LNX2: variants seen among roughly 807,000 people sequenced by gnomAD.
LNX2 encodes the protein ligand of numb-protein X 2, also known as ligand of Numb protein X 2.
LNX2 carries 35 observed loss-of-function variants against 66.2 expected under a neutral mutation model. That is an observed-to-expected ratio of 0.53 (90% confidence interval 0.40 to 0.70). The LOEUF is 0.70. LNX2 is among the 30% of genes least tolerant of loss of function. The probability of loss-of-function intolerance (pLI) is 0.00; values close to 1 mark genes in which losing one functional copy is unlikely to be tolerated. For missense variants in LNX2, 791 were observed against 850.8 expected (o/e 0.93, Z 0.87); for synonymous variants, 337 against 315.6 (o/e 1.07, Z -0.72).
At chr13:27,555,383 C>G (rs921705598) in intron 7 of LNX2, among the ~76,000 whole-genome samples, 1 of 152,190 alleles carries the variant, frequency 6.6e-6, no homozygotes, top group Non-Finnish European at 1.5e-5. Flanking sequence ...ATTCTAGACA[C>G]AAGTCATTTG....
intron 1 of LNX2, among the ~76,000 whole-genome samples, chr13:27,617,407 C>T (rs1955838651): frequency 6.6e-6 from 1 of 152,148 alleles, no homozygotes. Flanking sequence ...GGCCTGTGAA[C>T]TCTAGCCCTG....
chr13:27,588,200 C>T (rs888705234), intron 1 of LNX2, among the ~76,000 whole-genome samples: 2 of 152,138 alleles, frequency 1.3e-5, no homozygotes, highest in African/African-American at 4.8e-5. Flanking sequence ...CTTACATTCA[C>T]ACAAAAACTT....
chr13:27,550,260 C>T (rs1046710652), intron 9 of LNX2, 73 bp downstream of exon 9: 1 of 1,354,984 alleles, frequency 7.4e-7, no homozygotes, highest in Non-Finnish European at 1.0e-6. Context: ...TTAGTGCTGA[C>T]CCCTGACCCC....
At chr13:27,559,363 A>G (rs994072671) in intron 6 of LNX2, among the ~76,000 whole-genome samples, 1 of 147,720 alleles carries the variant, frequency 6.8e-6, no homozygotes, top group Non-Finnish European at 1.5e-5. Context: ...TATGCTATAT[A>G]TGTACCTATC....
chr13:27,588,678 A>C (rs747880195), intron 1 of LNX2, among the ~76,000 whole-genome samples: 1 of 152,206 alleles, frequency 6.6e-6, no homozygotes, highest in Non-Finnish European at 1.5e-5. Context: ...TTCTTCTTAC[A>C]ACTGTATATG....
intron 5 of LNX2, 95 bp from the exon 6 acceptor site, chr13:27,560,080 A>G (rs1322042108): frequency 8.6e-7 from 1 of 1,162,716 alleles, no homozygotes. Flanking sequence ...CTTCTTAATC[A>G]CTGTACCAGG....
intron 9 of LNX2, 151 bp downstream of exon 9, chr13:27,550,182 G>A (rs1194755262): frequency 1.6e-6 from 1 of 608,670 alleles, no homozygotes; most frequent in Admixed American, 3.0e-5. Flanking sequence ...GAGCCAGAGA[G>A]TACATAAACC....
chr13:27,554,714 A>G (rs1955038984), intron 7 of LNX2, among the ~76,000 whole-genome samples: 1 of 152,208 alleles, frequency 6.6e-6, no homozygotes, highest in Non-Finnish European at 1.5e-5. Flanking sequence ...AAGTTTTCGT[A>G]TGAACAGCTG....
chr13:27,612,218 A>G (rs1955781241), intron 1 of LNX2, among the ~76,000 whole-genome samples: 1 of 152,224 alleles, frequency 6.6e-6, no homozygotes, highest in Non-Finnish European at 1.5e-5. Context: ...CTAAATCATG[A>G]GTGATGAAGA....
rs1242468549 is a variant in LNX2, at chr13:27,583,216, G to GCGCGCGCGTCCTCTCCTATATAAC, written c.-100-1414_-100-1413insGTTATATAGGAGAGGACGCGCGCG. Reference sequence around the variant, plus strand: ...TGTGTGTGTGTGTGTGTGTGTGTGTGTGTGTGTGTGTGTGTGTGTGTGTGT... The same window carrying GCGCGCGCGTCCTCTCCTATATAAC: ...TGTGTGTGTGTGTGTGTGTGTGTGTGCGCGCGCGTCCTCTCCTATATAACTGTGTGTGTGTGTGTGTGTGTGTGT... On this transcript the variant is annotated intron_variant, in intron 1 of 9. Coordinates refer to ENST00000316334, the MANE Select transcript of LNX2 (RefSeq NM_153371.4). Among the ~76,000 whole-genome samples the GCGCGCGCGTCCTCTCCTATATAAC allele has an allele frequency of 1.1e-4, 2 of 17,732 alleles. 1 individual carries two copies. The highest frequency in any genetic ancestry group is 1.3e-3 in the African/African-American group (2 of 1,572). The allele number at this position is 17,732 out of a possible 152,430, so 11.6% of individuals were successfully genotyped here.
chr13:27,617,457 TTTA>T (rs1955839459), intron 1 of LNX2, among the ~76,000 whole-genome samples: 1 of 152,102 alleles, frequency 6.6e-6, no homozygotes, highest in African/African-American at 2.4e-5. Flanking sequence ...CATAATACAA[TTTA>T]AAGATATCGG....
intron 2 of LNX2, among the ~76,000 whole-genome samples, chr13:27,571,512 A>T (rs1056600737): frequency 1.3e-5 from 2 of 152,178 alleles, no homozygotes; most frequent in Non-Finnish European, 2.9e-5. Flanking sequence ...ATGGCTGTTA[A>T]TGGGTATTGG....
chr13:27,579,876 C>T lies in LNX2; in HGVS notation c.407+1421G>A, dbSNP rs17811499. 2.3e-3 allele frequency among the ~76,000 whole-genome samples: 351 copies of T among 152,264 alleles called. 1 individual carries two copies. Among genetic ancestry groups the T allele is most frequent in the Non-Finnish European group, 3.8e-3 (261 of 67,982 alleles). On this transcript the variant is annotated intron_variant, in intron 2 of 9. Transcript: ENST00000316334. The stretch of plus-strand genomic sequence containing the variant: ...TCCAGGAGGCCTCTGCCATCATGTT[C>T]AGATTCTATGCTTGCTGGTTACAGA...
At position 27,583,209 on chromosome 13, in the gene LNX2, T is replaced by TGCGCGCGCGCGC. The variant is rs1566124679; in HGVS notation, c.-100-1407_-100-1406insGCGCGCGCGCGC. Among the ~76,000 whole-genome samples the TGCGCGCGCGCGC allele has an allele frequency of 1.7e-4, 5 of 28,838 alleles. 1 individual carries two copies. The highest frequency in any genetic ancestry group is 4.0e-4 in the African/African-American group (3 of 7,434). The allele number at this position is 28,838 out of a possible 152,430, so 18.9% of individuals were successfully genotyped here. ...GTGTGTGTGTGTGTGTGTGTGTGTG[T>TGCGCGCGCGCGC]GTGTGTGTGTGTGTGTGTGTGTGTG... On this transcript the variant is annotated intron_variant, in intron 1 of 9. Coordinates refer to ENST00000316334, the MANE Select transcript of LNX2 (RefSeq NM_153371.4).
Position 27,550,511 on chromosome 13 carries a change from TAAAG to T in LNX2, c.1779-24_1779-21del. ...AGTGTGCTATAAACAAACAGAAAAATAAAGAAAAAATTAACATGGAGGCTTTTAT... is the reference window on the plus strand; with the variant it reads ...AGTGTGCTATAAACAAACAGAAAAATAAAAAATTAACATGGAGGCTTTTAT... On this transcript the variant is annotated intron_variant, in intron 8 of 9. Transcript: ENST00000316334. 1 of 1,582,794 alleles carries T rather than the reference TAAAG, an allele frequency of 6.3e-7. No homozygotes were observed. Among genetic ancestry groups the T allele is most frequent in the Non-Finnish European group, 8.6e-7 (1 of 1,166,082 alleles).
chr13:27,572,148 C>A (rs139573529), intron 2 of LNX2, among the ~76,000 whole-genome samples: 3 of 152,172 alleles, frequency 2.0e-5, no homozygotes, highest in East Asian at 3.9e-4. Context: ...AAAATTTGTA[C>A]CTAGAAACAC....
In LNX2 at chr13:27,562,475, G is replaced by A; in HGVS notation, c.1162C>T (p.Leu388=). The stretch of plus-strand genomic sequence containing the variant: ...TTCAGGTCGTGCCCATTGATGGCCA[G>A]CACTCGGTCATTGCTGCTTAGCCTG... ...DGRLSSNDRV[L]AINGHDLKYG... The change falls in exon 5 of 10, where the codon CTG becomes TTG. Residue 388 remains leucine, a synonymous_variant. Coordinates refer to ENST00000316334, the MANE Select transcript of LNX2 (RefSeq NM_153371.4). 2 of 1,614,170 alleles carry A rather than the reference G, an allele frequency of 1.2e-6. No individual in the cohort carries two copies. The highest frequency in any genetic ancestry group is 1.7e-6 in the Non-Finnish European group (2 of 1,180,002).
chr13:27,585,629 A>G (rs1955476478), intron 1 of LNX2, among the ~76,000 whole-genome samples: 1 of 152,110 alleles, frequency 6.6e-6, no homozygotes, highest in South Asian at 2.1e-4. Context: ...AACATCCTGT[A>G]TCTCAGCCAG....
At chr13:27,591,044 T>C (rs571924426) in intron 1 of LNX2, among the ~76,000 whole-genome samples, 147 of 152,248 alleles carry the variant, frequency 9.7e-4, no homozygotes, top group African/African-American at 3.5e-3. Flanking sequence ...ACCATCAGAT[T>C]AAGAATAACT....
Sources: gnomAD v4.1 joint callset for allele counts (sites outside exome capture counted in the v4.1 genomes callset) on GRCh38, gnomAD v4.1.1 for gene constraint, MANE v1.5 for transcripts, NCBI Gene and HGNC (gene_info 2026-07-23, HGNC 2026-07-21) for gene names.